Variants in WWOX observed in about 807,000 individuals in gnomAD.
The protein encoded by WWOX is WW domain-containing oxidoreductase.
WWOX carries 69 observed loss-of-function variants against 46.2 expected under a neutral mutation model. That is an observed-to-expected ratio of 1.49 (90% CI 1.23 to 1.82). The LOEUF (loss-of-function observed/expected upper bound fraction) is 1.82. WWOX is among the 40% of genes most tolerant of loss of function. The probability of loss-of-function intolerance (pLI) is 0.00; values close to 1 mark genes in which losing one functional copy is unlikely to be tolerated. For synonymous variants in WWOX, 359 were observed against 202.6 expected, an observed-to-expected ratio of 1.77 and a Z score of -6.56; for missense variants, 919 against 542.6, an observed-to-expected ratio of 1.69 and a Z score of -6.89.
intron 4 of WWOX, 28 bp from the exon 5 acceptor site, chr16:78,164,155 C>G (rs771625748): frequency 4.4e-6 from 7 of 1,600,178 alleles, no homozygotes; most frequent in South Asian, 3.4e-5. Context: ...GTTATGTTTT[C>G]TAACATTGAC....
chr16:78,491,145 C>T (rs1395357368), intron 8 of WWOX, among the ~76,000 whole-genome samples: 3 of 152,156 alleles, frequency 2.0e-5, no homozygotes, highest in African/African-American at 7.2e-5. Context: ...TGGCAAAAGG[C>T]TCTCCATCCT....
In WWOX at chr16:78,616,150, A is replaced by C. The variant is rs116471741; in HGVS notation, c.1056+183398A>C. ...TGGCCTGGAAAGGGTATTGGTAGCAATTGTCTTCGGCTTTCCCTGCCATGT... is the reference window on the plus strand; with the variant it reads ...TGGCCTGGAAAGGGTATTGGTAGCACTTGTCTTCGGCTTTCCCTGCCATGT... On this transcript the variant is annotated intron_variant, in intron 8 of 8. Coordinates refer to ENST00000566780, the MANE Select transcript of WWOX (RefSeq NM_016373.4). Among the ~76,000 whole-genome samples the C allele has an allele frequency of 3.1e-3, 477 of 151,804 alleles. 4 individuals are homozygous for C. The highest frequency in any genetic ancestry group is 0.011 in the African/African-American group (450 of 41,372).
intron 8 of WWOX, among the ~76,000 whole-genome samples, chr16:78,680,208 G>A (rs1037782038): frequency 3.9e-5 from 6 of 151,988 alleles, no homozygotes; most frequent in East Asian, 1.9e-4. Context: ...CCAGGAGTTC[G>A]AGACCAGCCT....
intron 8 of WWOX, among the ~76,000 whole-genome samples, chr16:78,573,571 A>G (rs2044772877): frequency 6.6e-6 from 1 of 152,210 alleles, no homozygotes; most frequent in South Asian, 2.1e-4. Flanking sequence ...CTCTGGGACT[A>G]AGTTTATAAT....
In WWOX at chr16:78,615,426, A is replaced by G. The variant is rs564215373; in HGVS notation, c.1056+182674A>G. On this transcript the variant is annotated intron_variant, in intron 8 of 8. Transcript: ENST00000566780. ...CACGTAGGGAGGCTGAGGCAGGAGG[A>G]TCTCCTGAAGCCCAGAATTCAAGAC... Among the ~76,000 whole-genome samples the G allele has an allele frequency of 4.6e-5, 7 of 152,202 alleles. No individual in the cohort carries two copies. In the South Asian group the frequency reaches 8.3e-4, roughly 18 times the overall value.
chr16:78,335,726 G>C (rs1162321507), intron 5 of WWOX, among the ~76,000 whole-genome samples: 2 of 152,172 alleles, frequency 1.3e-5, no homozygotes, highest in African/African-American at 4.8e-5. Flanking sequence ...TCTTCCATGT[G>C]ATTCTGAGAC....
intron 5 of WWOX, among the ~76,000 whole-genome samples, chr16:78,380,946 A>G (rs879741169): frequency 1.3e-5 from 2 of 152,204 alleles, no homozygotes; most frequent in Admixed American, 1.3e-4. Context: ...CTTGTACCTT[A>G]TATTCACTCT....
intron 8 of WWOX, among the ~76,000 whole-genome samples, chr16:78,510,964 T>C (rs551914650): frequency 5.3e-5 from 8 of 152,212 alleles, no homozygotes; most frequent in Admixed American, 3.9e-4. Flanking sequence ...GATATCACCA[T>C]TGAGGGGAGC....
chr16:78,824,723 T>TA (rs2051601145), intron 8 of WWOX, among the ~76,000 whole-genome samples: 2 of 152,006 alleles, frequency 1.3e-5, no homozygotes, highest in Non-Finnish European at 2.9e-5. Context: ...ATCACGAGGA[T>TA]AGCGCAGGAA....
intron 6 of WWOX, among the ~76,000 whole-genome samples, chr16:78,391,779 G>A (rs2082178167): frequency 6.6e-6 from 1 of 152,108 alleles, no homozygotes; most frequent in Non-Finnish European, 1.5e-5. Context: ...GCTCTGGGGT[G>A]GGCAGAGGTT....
rs149495904 is a variant in WWOX, at chr16:78,301,885, C to A, written c.517-84975C>A. Among the ~76,000 whole-genome samples, 3 of 152,092 alleles carry A rather than the reference C, an allele frequency of 2.0e-5. No homozygotes were observed. The East Asian group carries it at 5.8e-4, about 29-fold the overall frequency. On this transcript the variant is annotated intron_variant, in intron 5 of 8. Coordinates refer to ENST00000566780, the MANE Select transcript of WWOX (RefSeq NM_016373.4). ...GGCAGGAATTTAACATATCTTAGATCACAGAGTAAGGCCTCTTCTACCCAT... is the reference window on the plus strand; with the variant it reads ...GGCAGGAATTTAACATATCTTAGATAACAGAGTAAGGCCTCTTCTACCCAT...
chr16:78,357,010 C>T (rs944069559), intron 5 of WWOX, among the ~76,000 whole-genome samples: 11 of 152,182 alleles, frequency 7.2e-5, no homozygotes, highest in Admixed American at 4.6e-4. Flanking sequence ...TGCCTCAGTA[C>T]TACTGGCATT....
intron 4 of WWOX, among the ~76,000 whole-genome samples, chr16:78,139,920 G>C (rs748231825): frequency 1.3e-5 from 2 of 152,154 alleles, no homozygotes; most frequent in Non-Finnish European, 2.9e-5. Context: ...TCTGCCTGCG[G>C]AATAAAGGGC....
rs540136631 is a variant in WWOX at position 79,032,487 on chromosome 16, A to G, written c.1057-179121A>G. Among the ~76,000 whole-genome samples the G allele has an allele frequency of 3.1e-4, 46 of 148,018 alleles. No homozygotes were observed. In the East Asian group the frequency reaches 7.4e-3, roughly 24 times the overall value. ...TATAATAAACCCATATATAATATAC[A>G]TAATAGACTATACACATATACAGCT... On this transcript the variant is annotated intron_variant, in intron 8 of 8. Coordinates refer to ENST00000566780, the MANE Select transcript of WWOX (RefSeq NM_016373.4).
intron 8 of WWOX, among the ~76,000 whole-genome samples, chr16:78,450,780 C>T (rs968228088): frequency 2.6e-5 from 4 of 151,992 alleles, no homozygotes; most frequent in Admixed American, 6.6e-5. Context: ...ATGAAATTAC[C>T]ATGGCTGAAT....
At chr16:78,230,585 C>T (rs1008273189) in intron 5 of WWOX, among the ~76,000 whole-genome samples, 2 of 152,326 alleles carry the variant, frequency 1.3e-5, no homozygotes, top group African/African-American at 4.8e-5. Flanking sequence ...ATAAAACTTT[C>T]CAAAAAGAAT....
intron 8 of WWOX, among the ~76,000 whole-genome samples, chr16:78,951,757 G>A (rs2046064867): frequency 6.6e-6 from 1 of 152,078 alleles, no homozygotes; most frequent in African/African-American, 2.4e-5. Flanking sequence ...GTGAGAGAGA[G>A]CCACATACTT....
chr16:78,816,727 C>G (rs949819818), intron 8 of WWOX, among the ~76,000 whole-genome samples: 2 of 151,884 alleles, frequency 1.3e-5, no homozygotes, highest in Non-Finnish European at 2.9e-5. Flanking sequence ...TAAAAATGAG[C>G]AATTGCTGTG....
At chr16:78,375,858 T>A (rs1342819623) in intron 5 of WWOX, among the ~76,000 whole-genome samples, 2 of 151,406 alleles carry the variant, frequency 1.3e-5, no homozygotes, top group African/African-American at 4.8e-5. Context: ...TAGGATTTTT[T>A]TTTTTTTTTT....
Sources: allele counts gnomAD v4.1 joint callset (sites outside exome capture counted in the v4.1 genomes callset), GRCh38; gene constraint gnomAD v4.1.1; transcripts MANE v1.5; gene names NCBI Gene and HGNC (gene_info 2026-07-23, HGNC 2026-07-21).